The following TOP2B variants were observed in gnomAD, a reference collection of about 807,000 sequenced individuals.
The protein encoded by TOP2B is DNA topoisomerase 2-beta.
Under a neutral mutation model 193.5 loss-of-function variants are expected in TOP2B, and 51 were observed. That is an observed-to-expected ratio of 0.26 (90% confidence interval 0.21 to 0.33). TOP2B has a LOEUF of 0.33. TOP2B is among the 10% of genes least tolerant of loss of function. The pLI is 1.00. For missense variants in TOP2B, 1,378 were observed against 1,909.3 expected (o/e 0.72, Z 5.19); for synonymous variants, 634 against 635.7 (o/e 1.00, Z 0.04).
chr3:25,649,389 A>T (rs2125401627), intron 1 of TOP2B, among the ~76,000 whole-genome samples: 1 of 152,292 alleles, frequency 6.6e-6, no homozygotes, highest in East Asian at 1.9e-4. Flanking sequence ...TACAAATTAA[A>T]GAAGCTCAAA....
At chr3:25,646,702 T>C (rs1244326909) in intron 1 of TOP2B, among the ~76,000 whole-genome samples, 2 of 152,206 alleles carry the variant, frequency 1.3e-5, no homozygotes, top group East Asian at 3.8e-4. Context: ...TACAGAGATT[T>C]TGTGCATTTA....
At chr3:25,612,249 A>G (rs945441461) in intron 28 of TOP2B, among the ~76,000 whole-genome samples, 21 of 152,104 alleles carry the variant, frequency 1.4e-4, no homozygotes, top group Non-Finnish European at 2.6e-4. Flanking sequence ...GCCGGCTTCC[A>G]AGATTTTAAC....
At position 25,598,968 on chromosome 3, in the gene TOP2B, G is replaced by T. The variant is rs1032623393; in HGVS notation, c.4710+467C>A. ...GTCAATGTGGAAATCAACATAAAAA[G>T]GGATGCGGGGGAGCTGATGTCATTC... On this transcript the variant is annotated intron_variant, in intron 35 of 35. Coordinates refer to ENST00000264331, the MANE Select transcript of TOP2B (RefSeq NM_001330700.2). Among the ~76,000 whole-genome samples, 4 of 152,060 alleles carry T rather than the reference G, an allele frequency of 2.6e-5. No individual in the cohort carries two copies. The South Asian group carries it at 8.3e-4, about 32-fold the overall frequency.
rs1421720711 is a variant in TOP2B, at chr3:25,644,680, G to A, written c.240+620C>T. On this transcript the variant is annotated intron_variant, in intron 2 of 35. Coordinates refer to ENST00000264331, the MANE Select transcript of TOP2B (RefSeq NM_001330700.2). Reference sequence around the variant, plus strand: ...CACACTACTACACTCCAGCCTGGGCGACAGAGCGAGACACGGGGTGGGGGG... The same window carrying A: ...CACACTACTACACTCCAGCCTGGGCAACAGAGCGAGACACGGGGTGGGGGG... Among the ~76,000 whole-genome samples, 7 of 137,124 alleles carry A rather than the reference G, an allele frequency of 5.1e-5. No individual in the cohort carries two copies. The East Asian group carries it at 1.6e-3, about 31-fold the overall frequency. The allele number at this position is 137,124 out of a possible 152,430, so 90.0% of individuals were successfully genotyped here. A position where few individuals can be genotyped will look rare whatever the true frequency, so the allele number is the denominator to read the frequency against.
intron 3 of TOP2B, 55 bp downstream of exon 3, chr3:25,643,639 G>T: frequency 7.6e-7 from 1 of 1,316,484 alleles, no homozygotes; most frequent in South Asian, 1.2e-5. Flanking sequence ...ATATATAAAA[G>T]GACACTATGA....
At chr3:25,632,371 C>T in intron 10 of TOP2B, 75 bp downstream of exon 10, 1 of 1,298,126 alleles carries the variant, frequency 7.7e-7, no homozygotes, top group Non-Finnish European at 1.1e-6. Flanking sequence ...AAACTAATCA[C>T]AAATAAAGTA....
chr3:25,600,614 A>G (rs10865804), intron 34 of TOP2B, among the ~76,000 whole-genome samples: 2 of 152,140 alleles, frequency 1.3e-5, no homozygotes, highest in Non-Finnish European at 2.9e-5. Flanking sequence ...AACATATTTT[A>G]CAAAACATCT....
chr3:25,618,888 T>A, intron 23 of TOP2B, 39 bp from the exon 24 acceptor site: 1 of 1,425,450 alleles, frequency 7.0e-7, no homozygotes, highest in Non-Finnish European at 9.4e-7. Context: ...CATATAGATC[T>A]GTACTGGTAT....
intron 7 of TOP2B, among the ~76,000 whole-genome samples, 192 bp from the exon 8 acceptor site, chr3:25,634,206 T>C (rs781345256): frequency 4.6e-5 from 7 of 152,152 alleles, no homozygotes; most frequent in Non-Finnish European, 8.8e-5. Flanking sequence ...CATTTCTATG[T>C]GTACTTGACA....
intron 1 of TOP2B, among the ~76,000 whole-genome samples, chr3:25,650,412 G>A (rs1421974713): frequency 6.6e-6 from 1 of 152,186 alleles, no homozygotes; most frequent in Non-Finnish European, 1.5e-5. Context: ...AGTAGCCATT[G>A]CTTTGATTGT....
chr3:25,632,348 A>T, intron 10 of TOP2B, 98 bp downstream of exon 10: 2 of 1,053,154 alleles, frequency 1.9e-6, no homozygotes, highest in Non-Finnish European at 2.7e-6. Context: ...ACCCACAGTT[A>T]ATACGATGAA....
At chr3:25,605,994 C>A in intron 32 of TOP2B, 49 bp downstream of exon 32, 1 of 1,056,220 alleles carries the variant, frequency 9.5e-7, no homozygotes, top group South Asian at 2.6e-5. Context: ...TTCTCTCCAC[C>A]ACTAAAAGCA....
chr3:25,634,695 T>C (rs1703051714), intron 7 of TOP2B, among the ~76,000 whole-genome samples: 1 of 146,762 alleles, frequency 6.8e-6, no homozygotes. Context: ...AATCTAGAGG[T>C]TTCCCCTCTG....
At chr3:25,656,083 G>T (rs1703736996) in intron 1 of TOP2B, among the ~76,000 whole-genome samples, 1 of 152,118 alleles carries the variant, frequency 6.6e-6, no homozygotes, top group African/African-American at 2.4e-5. Context: ...AATATTATTT[G>T]TAATTTTCTC....
At chr3:25,664,100 G>GGCCCC (rs751017599) in intron 1 of TOP2B, 129 bp downstream of exon 1, 41 of 1,345,040 alleles carry the variant, frequency 3.0e-5, no homozygotes, top group South Asian at 2.3e-4. Flanking sequence ...TGCAAGCACA[G>GGCCCC]GCCCCTATGG....
At chr3:25,606,507 A>G (rs1209656889) in intron 31 of TOP2B, among the ~76,000 whole-genome samples, 1 of 152,178 alleles carries the variant, frequency 6.6e-6, no homozygotes, top group African/African-American at 2.4e-5. Context: ...TCAGCAAACT[A>G]TGGACAAAAA....
chr3:25,598,530 AT>A, intron 35 of TOP2B, 53 bp from the exon 36 acceptor site: 2 of 1,382,264 alleles, frequency 1.4e-6, no homozygotes, highest in East Asian at 2.5e-5. Context: ...AAAGACTAGT[AT>A]TAAGAACTAT....
intron 28 of TOP2B, among the ~76,000 whole-genome samples, chr3:25,610,818 G>A (rs567235707): frequency 4.6e-5 from 7 of 152,262 alleles, no homozygotes; most frequent in African/African-American, 1.4e-4. Context: ...GAAACAGAGA[G>A]TTAAGAGGAC....
chr3:25,606,147 C>T, intron 31 of TOP2B, 25 bp from the exon 32 acceptor site: 1 of 1,126,888 alleles, frequency 8.9e-7, no homozygotes, highest in Non-Finnish European at 1.3e-6. Flanking sequence ...ATAAACACCA[C>T]AGAGGATACA....
Sources: gnomAD v4.1 joint callset for allele counts (sites outside exome capture counted in the v4.1 genomes callset) on GRCh38, gnomAD v4.1.1 for gene constraint, MANE v1.5 for transcripts, NCBI Gene and HGNC (gene_info 2026-07-23, HGNC 2026-07-21) for gene names.